The following SRC variants were observed in gnomAD, a reference collection of about 807,000 sequenced individuals.
The protein encoded by SRC is SRC proto-oncogene, non-receptor tyrosine kinase, also known as proto-oncogene tyrosine-protein kinase Src.
Under a neutral mutation model 62.9 loss-of-function variants are expected in SRC, and 13 were observed. The ratio of observed to expected loss-of-function variants is 0.21; its 90% CI spans 0.13 to 0.33. The LOEUF is 0.33. Ranked by LOEUF, SRC falls within the 10% of genes least tolerant of loss-of-function variation. The probability of loss-of-function intolerance (pLI) is 1.00; values close to 1 mark genes in which losing one functional copy is unlikely to be tolerated. For synonymous variants in SRC, 302 were observed against 317.5 expected (o/e 0.95, Z 0.52); for missense variants, 457 against 737.3 (o/e 0.62, Z 4.40).
rs999300590 is a variant in SRC, at chr20:37,398,442, C to T, written c.859+588C>T. On this transcript the variant is annotated intron_variant, in intron 9 of 13. Coordinates refer to ENST00000373578, the MANE Select transcript of SRC (RefSeq NM_198291.3). This position sits in a 1 kb window ranked among gnomAD's most constrained non-coding sequence, Gnocchi z 5.2. ...GGAGGCCAGGGTGGAGGAGAGACGG[C>T]GGTTGTAACCCCGTAAGCCCATGGT... 6.6e-6 allele frequency among the ~76,000 whole-genome samples: 1 copy of T among 152,316 alleles called. No individual in the cohort carries two copies. The highest frequency in any genetic ancestry group is 2.1e-4 in the South Asian group (1 of 4,828).
At chr20:37,386,262 C>A in intron 5 of SRC, 88 bp downstream of exon 5, 2 of 1,262,300 alleles carry the variant, frequency 1.6e-6, no homozygotes, top group Non-Finnish European at 1.2e-6. Flanking sequence ...GGCATCAGGG[C>A]AGCACAGTGC....
At chr20:37,395,429 A>T (rs980033907) in intron 7 of SRC, among the ~76,000 whole-genome samples, 12 of 152,150 alleles carry the variant, frequency 7.9e-5, no homozygotes, top group African/African-American at 2.9e-4. Context: ...CCCTGATGCC[A>T]TTTGGGCGTC....
chr20:37,364,545 G>A (rs2070032735), intron 1 of SRC, among the ~76,000 whole-genome samples: 1 of 152,110 alleles, frequency 6.6e-6, no homozygotes, highest in African/African-American at 2.4e-5. Flanking sequence ...CAGGTCTAGG[G>A]GACAAGGAGA....
intron 2 of SRC, among the ~76,000 whole-genome samples, chr20:37,378,779 GAGGGGCCCACACTGCTGTGTCCAGGCCT>G (rs1319030414): frequency 6.6e-6 from 1 of 152,168 alleles, no homozygotes; most frequent in East Asian, 1.9e-4. Flanking sequence ...GGGTGGACTG[GAGGGGCCCACACTGCTGTGTCCAGGCCT>G]AGGATCACAG....
Position 37,403,504 on chromosome 20 carries a change from C to A in SRC, c.*125C>A. 1.8e-6 allele frequency: 2 copies of A among 1,133,402 alleles called. No homozygotes were observed. The highest frequency in any genetic ancestry group is 2.4e-6 in the Non-Finnish European group (2 of 816,856). 70.2% of individuals were successfully genotyped at this position (1,133,402 alleles called of 1,614,324 possible). A position where few individuals can be genotyped will look rare whatever the true frequency, so the allele number is the denominator to read the frequency against. On this transcript the variant is annotated 3_prime_UTR_variant, in exon 14 of 14. Transcript: ENST00000373578. The surrounding 1 kb of genome is among the most constrained non-coding windows in gnomAD (Gnocchi z 7.1). ...CTCTGTGGGGCTGAATTGCCAGGGGCGAGGCCCTTCCTCTTTGGTGGCATG... is the reference window on the plus strand; with the variant it reads ...CTCTGTGGGGCTGAATTGCCAGGGGAGAGGCCCTTCCTCTTTGGTGGCATG...
intron 2 of SRC, among the ~76,000 whole-genome samples, chr20:37,373,366 A>C (rs1173176858): frequency 1.3e-5 from 2 of 149,938 alleles, no homozygotes; most frequent in African/African-American, 5.0e-5. Context: ...ATATACACAT[A>C]CACATATATG....
intron 1 of SRC, among the ~76,000 whole-genome samples, chr20:37,359,470 C>T (rs981823992): frequency 6.6e-6 from 1 of 152,010 alleles, no homozygotes; most frequent in Non-Finnish European, 1.5e-5. Flanking sequence ...GAGGATGGGT[C>T]GCAATTAGAT....
At chr20:37,369,744 C>T (rs77909210) in intron 2 of SRC, among the ~76,000 whole-genome samples, 8,760 of 151,684 alleles carry the variant, frequency 0.058, 339 homozygotes, top group Non-Finnish European at 0.085. Flanking sequence ...AGTCTTTTAC[C>T]GTTAAGTAGG....
rs1156759631 is a variant in SRC, at chr20:37,351,418, G to C, written c.-247+5163G>C. 1.3e-5 allele frequency among the ~76,000 whole-genome samples: 2 copies of C among 152,140 alleles called. No individual in the cohort carries two copies. The highest frequency in any genetic ancestry group is 2.9e-5 in the Non-Finnish European group (2 of 68,040). On this transcript the variant is annotated intron_variant, in intron 1 of 13. Transcript: ENST00000373578. This position sits in a 1 kb window ranked among gnomAD's most constrained non-coding sequence, Gnocchi z 4.4. ...GAGTCTTTTTTGGTGCTCATGTAGG[G>C]GTGGGGATGTCTGTGGTGGGTGGGT...
intron 3 of SRC, among the ~76,000 whole-genome samples, chr20:37,383,051 C>G (rs1339547478): frequency 6.6e-6 from 1 of 152,210 alleles, no homozygotes; most frequent in Non-Finnish European, 1.5e-5. Context: ...TACTGTGTGC[C>G]ACACCCCATG....
At position 37,404,938 on chromosome 20, in the gene SRC, A is replaced by C; in HGVS notation, c.*1559A>C. The C allele has an allele frequency of 4.4e-6, 1 of 229,714 alleles. No individual in the cohort carries two copies. Among genetic ancestry groups the C allele is most frequent in the Non-Finnish European group, 8.5e-6 (1 of 118,030 alleles). 14.2% of individuals were successfully genotyped at this position (229,714 alleles called of 1,614,324 possible). A position where few individuals can be genotyped will look rare whatever the true frequency, so the allele number is the denominator to read the frequency against. ...TGTGCGTCCATATTTAACATGTAAA[A>C]ATGTCCCCCCCGCTCCGTCCCCCAA... is the stretch of plus-strand genomic sequence containing the variant. On this transcript the variant is annotated 3_prime_UTR_variant, in exon 14 of 14. Transcript: ENST00000373578.
chr20:37,395,581 G>A (rs904097454), intron 7 of SRC, among the ~76,000 whole-genome samples: 8 of 152,230 alleles, frequency 5.3e-5, no homozygotes, highest in South Asian at 2.1e-4. Context: ...CACCCAGCCC[G>A]TGGTCTCCTG....
intron 1 of SRC, among the ~76,000 whole-genome samples, chr20:37,360,156 T>C (rs1022506063): frequency 1.0e-4 from 15 of 150,658 alleles, no homozygotes; most frequent in South Asian, 2.1e-4. Flanking sequence ...GTTTAAAAAG[T>C]AGCCATAAAA....
intron 5 of SRC, 156 bp downstream of exon 5, chr20:37,386,330 T>G (rs2070454977): frequency 3.9e-6 from 3 of 771,678 alleles, no homozygotes; most frequent in Non-Finnish European, 6.9e-6. Context: ...TGCTGCACTC[T>G]CGCCCTGGGC....
At position 37,398,928 on chromosome 20, in the gene SRC, C is replaced by T. The variant is rs1405555647; in HGVS notation, c.859+1074C>T. 1.3e-5 allele frequency among the ~76,000 whole-genome samples: 2 copies of T among 152,310 alleles called. No individual in the cohort carries two copies. Among genetic ancestry groups the T allele is most frequent in the African/African-American group, 2.4e-5 (1 of 41,582 alleles). On this transcript the variant is annotated intron_variant, in intron 9 of 13. Coordinates refer to ENST00000373578, the MANE Select transcript of SRC (RefSeq NM_198291.3). This position sits in a 1 kb window ranked among gnomAD's most constrained non-coding sequence, Gnocchi z 5.2. ...ATTGGCCTGAGCCCCAACCCTCGGACGGAGGCCCAGCGACTGGGAGGAACG... is the reference window on the plus strand; with the variant it reads ...ATTGGCCTGAGCCCCAACCCTCGGATGGAGGCCCAGCGACTGGGAGGAACG...
chr20:37,405,365 A>G lies in SRC; in HGVS notation c.*1986A>G, dbSNP rs2070813835. 4.7e-6 allele frequency: 1 copy of G among 211,630 alleles called. No individual in the cohort carries two copies. The highest frequency in any genetic ancestry group is 9.6e-6 in the Non-Finnish European group (1 of 104,420). 13.1% of individuals were successfully genotyped at this position (211,630 alleles called of 1,614,324 possible). A position where few individuals can be genotyped will look rare whatever the true frequency, so the allele number is the denominator to read the frequency against. ...TGCGGGGGGTGGGGGGGTATCCAGA[A>G]TTGGTTGTAAATACTTTGCATATTG... On this transcript the variant is annotated 3_prime_UTR_variant, in exon 14 of 14. Coordinates refer to ENST00000373578, the MANE Select transcript of SRC (RefSeq NM_198291.3).
At chr20:37,376,052 G>A (rs1711597193) in intron 2 of SRC, among the ~76,000 whole-genome samples, 1 of 152,164 alleles carries the variant, frequency 6.6e-6, no homozygotes, top group Non-Finnish European at 1.5e-5. Context: ...CACCACACTG[G>A]GGATTAGGGC....
Position 37,384,525 on chromosome 20 carries a change from C to T in SRC, c.250+122C>T. 7.0e-6 allele frequency: 4 copies of T among 568,194 alleles called. No homozygotes were observed. Among genetic ancestry groups the T allele is most frequent in the Non-Finnish European group, 9.4e-6 (4 of 423,768 alleles). The allele number at this position is 568,194 out of a possible 1,614,324, so 35.2% of individuals were successfully genotyped here. On this transcript the variant is annotated intron_variant, in intron 4 of 13. Coordinates refer to ENST00000373578, the MANE Select transcript of SRC (RefSeq NM_198291.3). This position sits in a 1 kb window ranked among gnomAD's most constrained non-coding sequence, Gnocchi z 6.7. ...CTTCCTCTCGCCAGGGGTAGCGCCC[C>T]TGGGTGACTTGGGTGTCCGGGGGGT...
chr20:37,388,819 T>TG (rs1488695202), intron 5 of SRC, among the ~76,000 whole-genome samples: 2 of 132,004 alleles, frequency 1.5e-5, no homozygotes, highest in Non-Finnish European at 3.3e-5. Flanking sequence ...GAAAGGGATT[T>TG]GGGGGGCGGG....
Sources: allele counts gnomAD v4.1 joint callset (sites outside exome capture counted in the v4.1 genomes callset), GRCh38; gene constraint gnomAD v4.1.1; non-coding constraint Gnocchi (gnomAD v3.1); transcripts MANE v1.5; gene names NCBI Gene and HGNC (gene_info 2026-07-23, HGNC 2026-07-21).